The following RANBP17 variants were observed in gnomAD, a reference collection of about 807,000 sequenced individuals.
The protein encoded by RANBP17 is RAN binding protein 17, also known as ran-binding protein 17.
A neutral mutation model predicts 141.2 loss-of-function variants in RANBP17; 158 were observed. The observed-to-expected ratio is 1.12, with a 90% CI of 0.98 to 1.28. The LOEUF (loss-of-function observed/expected upper bound fraction) is 1.28. Ranked by LOEUF, RANBP17 falls within the 50% of genes most tolerant of loss-of-function variation. The pLI is 0.00. For synonymous variants in RANBP17, 430 were observed against 450.0 expected (o/e 0.96, Z 0.56); for missense variants, 1,438 against 1,290.7 (o/e 1.11, Z -1.75).
At chr5:171,014,426 C>T (rs1198282477) in intron 14 of RANBP17, among the ~76,000 whole-genome samples, 1 of 151,898 alleles carries the variant, frequency 6.6e-6, no homozygotes, top group Non-Finnish European at 1.5e-5. Flanking sequence ...TAGTATTTAT[C>T]TCCCTTTTTG....
intron 18 of RANBP17, among the ~76,000 whole-genome samples, chr5:171,187,517 T>C (rs1012240653): frequency 1.3e-5 from 2 of 152,114 alleles, no homozygotes; most frequent in Non-Finnish European, 2.9e-5. Flanking sequence ...TCAAAACATG[T>C]TGTATACAAT....
chr5:171,060,634 TG>T (rs1420480041), intron 14 of RANBP17, among the ~76,000 whole-genome samples: 1 of 152,120 alleles, frequency 6.6e-6, no homozygotes, highest in Non-Finnish European at 1.5e-5. Flanking sequence ...CTTTTTTGGT[TG>T]TGTCTCTGCC....
intron 14 of RANBP17, among the ~76,000 whole-genome samples, chr5:171,015,576 T>C (rs1780370557): frequency 6.6e-6 from 1 of 152,176 alleles, no homozygotes; most frequent in South Asian, 2.1e-4. Context: ...AATGTCTTTG[T>C]CTAATAATTT....
chr5:171,067,099 A>G (rs960317019), intron 14 of RANBP17, among the ~76,000 whole-genome samples: 2 of 151,984 alleles, frequency 1.3e-5, no homozygotes, highest in African/African-American at 2.4e-5. Flanking sequence ...TTCCTCCTAT[A>G]CTGCCTTCTT....
At chr5:170,975,413 C>G (rs894822433) in intron 14 of RANBP17, among the ~76,000 whole-genome samples, 2 of 152,176 alleles carry the variant, frequency 1.3e-5, no homozygotes, top group Non-Finnish European at 2.9e-5. Flanking sequence ...CCTGTAATCT[C>G]AACTACTCTG....
At chr5:171,093,060 T>C (rs1346127076) in intron 14 of RANBP17, among the ~76,000 whole-genome samples, 2 of 152,144 alleles carry the variant, frequency 1.3e-5, no homozygotes, top group Non-Finnish European at 1.5e-5. Flanking sequence ...AGCTGTGCTT[T>C]AGTGCCCCAA....
At chr5:171,293,316 G>A (rs924298387) in intron 25 of RANBP17, among the ~76,000 whole-genome samples, 16 of 152,082 alleles carry the variant, frequency 1.1e-4, no homozygotes, top group Non-Finnish European at 2.2e-4. Context: ...TTAAGAGAAC[G>A]GATGAGTAAT....
At chr5:170,885,868 C>CTTTT (rs33975152) in intron 3 of RANBP17, among the ~76,000 whole-genome samples, 2 of 139,406 alleles carry the variant, frequency 1.4e-5, no homozygotes, top group African/African-American at 5.2e-5. Flanking sequence ...CACTCTCCAC[C>CTTTT]TTTTTTTTTT....
chr5:170,862,201 C>A, intron 1 of RANBP17, 150 bp downstream of exon 1: 1 of 811,164 alleles, frequency 1.2e-6, no homozygotes, highest in Non-Finnish European at 1.7e-6. Flanking sequence ...CTGCCCCTAG[C>A]CGGGGACCGG....
At chr5:170,990,141 T>C (rs532241957) in intron 14 of RANBP17, among the ~76,000 whole-genome samples, 1 of 151,860 alleles carries the variant, frequency 6.6e-6, no homozygotes. Flanking sequence ...AGTTTGCAAT[T>C]TATTGAATAA....
chr5:171,124,675 T>C (rs1450043030), intron 14 of RANBP17, among the ~76,000 whole-genome samples: 1 of 152,162 alleles, frequency 6.6e-6, no homozygotes, highest in South Asian at 2.1e-4. Flanking sequence ...TCTACTGTTA[T>C]GAAAACACAT....
intron 14 of RANBP17, among the ~76,000 whole-genome samples, chr5:171,026,922 A>G (rs1168596983): frequency 6.6e-6 from 1 of 152,164 alleles, no homozygotes; most frequent in African/African-American, 2.4e-5. Flanking sequence ...GTGCGTGAGA[A>G]ACATTACTGC....
Position 171,274,143 on chromosome 5 carries a change from T to TGC in RANBP17, c.2943+8297_2943+8298insCG, listed in dbSNP as rs1390356964. Among the ~76,000 whole-genome samples the TGC allele has an allele frequency of 3.1e-5, 4 of 130,478 alleles. No homozygotes were observed. The South Asian group carries it at 7.2e-4, about 24-fold the overall frequency. 85.6% of individuals were successfully genotyped at this position (130,478 alleles called of 152,430 possible). A position where few individuals can be genotyped will look rare whatever the true frequency, so the allele number is the denominator to read the frequency against. ...GTGTGTGTGTGTGTGTGTGTGTGTG[T>TGC]GTGTGTGCGCGCGCGCGCGCGTGCG... On this transcript the variant is annotated intron_variant, in intron 25 of 27. Transcript: ENST00000523189.
At chr5:171,031,943 T>A (rs975679683) in intron 14 of RANBP17, among the ~76,000 whole-genome samples, 2 of 152,106 alleles carry the variant, frequency 1.3e-5, no homozygotes, top group African/African-American at 4.8e-5. Context: ...ATAAAATGTG[T>A]CTATGATTGC....
Position 170,890,612 on chromosome 5 carries a change from A to G in RANBP17, c.257-1775A>G, listed in dbSNP as rs535369119. ...TTGAGGTATTTACCTTTTCTTTACTATTTTCCCAAATGGCATGCTGGCCTT... is the reference window on the plus strand; with the variant it reads ...TTGAGGTATTTACCTTTTCTTTACTGTTTTCCCAAATGGCATGCTGGCCTT... On this transcript the variant is annotated intron_variant, in intron 3 of 27. Transcript: ENST00000523189. Among the ~76,000 whole-genome samples, 65 of 152,168 alleles carry G rather than the reference A, an allele frequency of 4.3e-4. 1 individual carries two copies. The South Asian group carries it at 6.8e-3, about 16-fold the overall frequency.
chr5:171,139,189 G>A (rs1405310513), intron 14 of RANBP17, among the ~76,000 whole-genome samples: 2 of 152,106 alleles, frequency 1.3e-5, no homozygotes, highest in Non-Finnish European at 2.9e-5. Context: ...AAAATAGGCA[G>A]CAACTGTAGC....
At chr5:170,896,186 T>C (rs1770105268) in intron 5 of RANBP17, 71 bp downstream of exon 5, 1 of 1,103,040 alleles carries the variant, frequency 9.1e-7, no homozygotes, top group South Asian at 1.4e-5. Flanking sequence ...CTGCTTTTAT[T>C]TGTGGCAAAA....
chr5:171,126,987 G>A (rs944829915), intron 14 of RANBP17, among the ~76,000 whole-genome samples: 5 of 152,070 alleles, frequency 3.3e-5, no homozygotes, highest in Admixed American at 1.3e-4. Flanking sequence ...CTATAAGGTC[G>A]GCAATACCTT....
In RANBP17 at chr5:171,071,546, C is replaced by T. The variant is rs150261623; in HGVS notation, c.1711-98584C>T. ...ACAGAATAGAGAGCTCAGAAATAGA[C>T]CCACACAAATATTATCAACTGACTG... On this transcript the variant is annotated intron_variant, in intron 14 of 27. Transcript: ENST00000523189. Among the ~76,000 whole-genome samples, 304 of 150,266 alleles carry T rather than the reference C, an allele frequency of 2.0e-3. 1 individual carries two copies. Among genetic ancestry groups the T allele is most frequent in the African/African-American group, 7.1e-3 (291 of 40,968 alleles).
Sources: allele counts gnomAD v4.1 joint callset (sites outside exome capture counted in the v4.1 genomes callset), GRCh38; gene constraint gnomAD v4.1.1; transcripts MANE v1.5; gene names NCBI Gene and HGNC (gene_info 2026-07-23, HGNC 2026-07-21).